KLF13: variants seen among roughly 807,000 people sequenced by gnomAD.
The protein encoded by KLF13 is KLF transcription factor 13.
In KLF13, 8 loss-of-function variants were observed where a neutral mutation model predicts 16.7. That is an observed-to-expected ratio of 0.48 (90% CI 0.28 to 0.87). The LOEUF (loss-of-function observed/expected upper bound fraction) is 0.87. Ranked by LOEUF, KLF13 falls within the 40% of genes least tolerant of loss-of-function variation. KLF13 has a pLI of 0.10. For synonymous variants in KLF13, 245 were observed against 208.4 expected (o/e 1.18, Z -1.51); for missense variants, 447 against 452.2 (o/e 0.99, Z 0.10).
Position 31,411,562 on chromosome 15 carries a change from AT to A in KLF13, n.117+17887del, listed in dbSNP as rs542831225. Among the ~76,000 whole-genome samples the A allele has an allele frequency of 6.2e-3, 856 of 137,692 alleles. 5 individuals carry two copies. The highest frequency in any genetic ancestry group is 0.01 in the African/African-American group (387 of 36,868). The allele number at this position is 137,692 out of a possible 152,430, so 90.3% of individuals were successfully genotyped here. On this transcript the variant is annotated intron_variant and non_coding_transcript_variant, in intron 1 of 1. Transcript: ENST00000558225. ...AGGCGCCTGCCACCACACCTGGCTA[AT>A]TTTTTTTTTTTTTTTGTATTTTTAG...
intron 1 of KLF13, among the ~76,000 whole-genome samples, chr15:31,410,578 A>C (rs2040179799): frequency 1.4e-5 from 2 of 138,828 alleles, no homozygotes; most frequent in East Asian, 4.2e-4. Flanking sequence ...AGTAAACACC[A>C]ACCAACACAC....
intron 1 of KLF13, among the ~76,000 whole-genome samples, chr15:31,347,536 C>T (rs1040808544): frequency 1.3e-5 from 2 of 152,140 alleles, no homozygotes; most frequent in Admixed American, 1.3e-4. Flanking sequence ...GATGTGGGGC[C>T]CAGGAGGTGA....
At chr15:31,364,954 G>A (rs2039443250) in intron 1 of KLF13, among the ~76,000 whole-genome samples, 1 of 152,230 alleles carries the variant, frequency 6.6e-6, no homozygotes, top group African/African-American at 2.4e-5. Flanking sequence ...CCCTGAGGCT[G>A]TATGCCTGAG....
rs562601407 is a variant in KLF13 at position 31,329,554 on chromosome 15, C to T, written c.577+1765C>T. On this transcript the variant is annotated intron_variant, in intron 1 of 1. Transcript: ENST00000307145. ...TGTCAGGGCCTCAGCCTTGGGATGT[C>T]TTCCTGGTGGGTTCATCTCCCGCTT... 3.9e-5 allele frequency among the ~76,000 whole-genome samples: 6 copies of T among 152,264 alleles called. No homozygotes were observed. In the East Asian group the frequency reaches 1.2e-3, roughly 29 times the overall value.
chr15:31,429,921 T>C (rs2040451436), intron 1 of KLF13, among the ~76,000 whole-genome samples: 1 of 151,930 alleles, frequency 6.6e-6, no homozygotes, highest in African/African-American at 2.4e-5. Flanking sequence ...TTTTTAGTAG[T>C]GACAGGGTTT....
rs1395298201 is a variant in KLF13 at position 31,377,355 on chromosome 15, C to T, written c.*5056C>T. The T allele has an allele frequency of 1.3e-5, 2 of 152,574 alleles. No homozygotes were observed. The highest frequency in any genetic ancestry group is 2.9e-5 in the Non-Finnish European group (2 of 68,030). 9.5% of individuals were successfully genotyped at this position (152,574 alleles called of 1,614,324 possible). A position where few individuals can be genotyped will look rare whatever the true frequency, so the allele number is the denominator to read the frequency against. On this transcript the variant is annotated 3_prime_UTR_variant, in exon 2 of 2. Coordinates refer to ENST00000307145, the MANE Select transcript of KLF13 (RefSeq NM_015995.4). ...TGCTGAGGCCTCTGGGGCTGGAAAG[C>T]CTCAGCAGAAAGGAGGCACTACTGA... is the stretch of plus-strand genomic sequence containing the variant.
At chr15:31,340,082 C>A in intron 1 of KLF13, 1 of 700,142 alleles carries the variant, frequency 1.4e-6, no homozygotes, top group South Asian at 1.5e-5. Context: ...GCCTCTCTGC[C>A]TCTAGGCCTG....
At chr15:31,430,126 G>GGA (rs1349327519) in intron 1 of KLF13, among the ~76,000 whole-genome samples, 1 of 152,078 alleles carries the variant, frequency 6.6e-6, no homozygotes, top group Non-Finnish European at 1.5e-5. Context: ...TAATGATAAA[G>GGA]GAGACATTTG....
At chr15:31,369,852 G>A (rs1188503379) in intron 1 of KLF13, among the ~76,000 whole-genome samples, 1 of 152,136 alleles carries the variant, frequency 6.6e-6, no homozygotes, top group Non-Finnish European at 1.5e-5. Flanking sequence ...AAAGTCTGAT[G>A]TCTATCCCAG....
chr15:31,335,896 C>T (rs1488859902), intron 1 of KLF13, among the ~76,000 whole-genome samples: 3 of 152,206 alleles, frequency 2.0e-5, no homozygotes, highest in Non-Finnish European at 4.4e-5. Context: ...AATTGAAGGC[C>T]CAGAGCAAAA....
downstream of KLF13, among the ~76,000 whole-genome samples, chr15:31,406,112 G>A (rs2040125841): frequency 6.6e-6 from 1 of 152,180 alleles, no homozygotes; most frequent in South Asian, 2.1e-4. Flanking sequence ...CCAGACTGTA[G>A]GGCAAGAAGA....
intron 1 of KLF13, among the ~76,000 whole-genome samples, chr15:31,431,852 G>A (rs1255601021): frequency 6.6e-6 from 1 of 152,168 alleles, no homozygotes; most frequent in Non-Finnish European, 1.5e-5. Flanking sequence ...TATACCCTGC[G>A]AAGACTTGCG....
intron 1 of KLF13, among the ~76,000 whole-genome samples, chr15:31,384,632 TC>T (rs1397464864): frequency 6.6e-6 from 1 of 152,126 alleles, no homozygotes; most frequent in Non-Finnish European, 1.5e-5. Flanking sequence ...GCACAGTGTG[TC>T]CCCACTTCAT....
chr15:31,327,544 A>C lies in KLF13; in HGVS notation c.332A>C (p.Glu111Ala). 1 of 1,102,116 alleles carries C rather than the reference A, an allele frequency of 9.1e-7. No individual in the cohort carries two copies. The highest frequency in any genetic ancestry group is 1.1e-6 in the Non-Finnish European group (1 of 904,766). 68.3% of individuals were successfully genotyped at this position (1,102,116 alleles called of 1,614,324 possible). Reference sequence around the variant, plus strand: ...CCCGAGCCCACCTCCCCCGGCGCCGAAGGCGCGGCGGCCGCGCCCCCCAGC... The same window carrying C: ...CCCGAGCCCACCTCCCCCGGCGCCGCAGGCGCGGCGGCCGCGCCCCCCAGC... ...PAPEPTSPGA[E>A]GAAAAPPSPA... The change falls in exon 1 of 2, where the codon GAA (glutamate) becomes GCA (alanine). Residue 111 changes from glutamate to alanine, a missense_variant. This residue lies in a region of KLF13 where 359 missense variants were observed against 282.8 expected (regional missense o/e 1.27). Transcript: ENST00000307145.
chr15:31,354,660 C>T (rs191835975), intron 1 of KLF13, among the ~76,000 whole-genome samples: 2 of 152,314 alleles, frequency 1.3e-5, no homozygotes, highest in East Asian at 1.9e-4. Context: ...GCTGGGATTA[C>T]AGGCGTGAGC....
chr15:31,387,861 C>T (rs2039811268), upstream of KLF13, among the ~76,000 whole-genome samples: 1 of 152,180 alleles, frequency 6.6e-6, no homozygotes, highest in African/African-American at 2.4e-5. Context: ...CAGGTTGCTG[C>T]CTGGACCAGG....
At chr15:31,349,692 G>T (rs2039185517) in intron 1 of KLF13, among the ~76,000 whole-genome samples, 1 of 152,310 alleles carries the variant, frequency 6.6e-6, no homozygotes, top group African/African-American at 2.4e-5. Context: ...CATGTGAGGC[G>T]AGTATGGGCC....
At chr15:31,392,084 C>G (rs1260212929), upstream of KLF13, among the ~76,000 whole-genome samples, 24 of 152,046 alleles carry the variant, frequency 1.6e-4, 1 homozygote, top group Admixed American at 1.6e-3. Context: ...ACCCCCGGGT[C>G]GCGGTCTCCA....
intron 1 of KLF13, among the ~76,000 whole-genome samples, chr15:31,347,998 G>C (rs1259733031): frequency 1.3e-5 from 2 of 152,254 alleles, no homozygotes; most frequent in Non-Finnish European, 2.9e-5. Flanking sequence ...TGGCCTTCTT[G>C]GCCACTCCAC....
Sources: allele counts gnomAD v4.1 joint callset (sites outside exome capture counted in the v4.1 genomes callset), GRCh38; gene constraint gnomAD v4.1.1; regional missense constraint gnomAD v4.1.1; transcripts MANE v1.5; gene names NCBI Gene and HGNC (gene_info 2026-07-23, HGNC 2026-07-21).